ERLIN1: variants seen among roughly 807,000 people sequenced by gnomAD.
The protein encoded by ERLIN1 is erlin-1.
ERLIN1 carries 24 observed loss-of-function variants against 46.9 expected under a neutral mutation model. That is an observed-to-expected ratio of 0.51 (90% CI 0.37 to 0.72). ERLIN1 has a LOEUF of 0.72. ERLIN1 is among the 30% of genes least tolerant of loss of function. The probability of loss-of-function intolerance (pLI) is 0.00; values close to 1 mark genes in which losing one functional copy is unlikely to be tolerated. For missense variants in ERLIN1, 293 were observed against 417.9 expected (o/e 0.70, Z 2.61); for synonymous variants, 158 against 143.2 (o/e 1.10, Z -0.74).
In ERLIN1 at chr10:100,178,158, C is replaced by G; in HGVS notation, c.279G>C (p.Val93=). 6.3e-7 allele frequency: 1 copy of G among 1,580,322 alleles called. No homozygotes were observed. Among genetic ancestry groups the G allele is most frequent in the Non-Finnish European group, 8.6e-7 (1 of 1,161,556 alleles). The part of the protein sequence containing the change: ...GVMIYIDRIE[V]VNMLAPYAVF... ...CTGCATAAGGAGCCAACATATTAAC[C>G]ACTTCTATTCGGTCAATATAGATCA... The change falls in exon 4 of 11, where the codon GTG becomes GTC. Residue 93 remains valine, a synonymous_variant. Transcript: ENST00000421367.
chr10:100,175,976 G>A lies in ERLIN1; in HGVS notation c.399C>T (p.His133=). The A allele has an allele frequency of 6.2e-7, 1 of 1,613,380 alleles. No homozygotes were observed. Among genetic ancestry groups the A allele is most frequent in the Non-Finnish European group, 8.5e-7 (1 of 1,179,466 alleles). Residue 133 remains histidine (H), a synonymous_variant, in exon 5 of 11, where the codon CAC becomes CAT. Transcript: ENST00000421367. ...ATTCAATGTAAACTTCCTGAAGTGTGTGGGCACTGCAGAACTGGTTCAGCT... is the reference window on the plus strand; with the variant it reads ...ATTCAATGTAAACTTCCTGAAGTGTATGGGCACTGCAGAACTGGTTCAGCT... ...HHELNQFCSA[H]TLQEVYIELF...
At chr10:100,155,881 C>T (rs1188291208) in intron 9 of ERLIN1, among the ~76,000 whole-genome samples, 1 of 152,064 alleles carries the variant, frequency 6.6e-6, no homozygotes, top group African/African-American at 2.4e-5. Context: ...ACCTTGTCTG[C>T]CTGAAAATAA....
chr10:100,151,605 A>T lies in ERLIN1; in HGVS notation c.*526T>A, dbSNP rs1339115931. The T allele has an allele frequency of 5.4e-6, 1 of 185,214 alleles. No homozygotes were observed. The highest frequency in any genetic ancestry group is 1.2e-5 in the Non-Finnish European group (1 of 86,548). The allele number at this position is 185,214 out of a possible 1,614,324, so 11.5% of individuals were successfully genotyped here. A position where few individuals can be genotyped will look rare whatever the true frequency, so the allele number is the denominator to read the frequency against. ...TCAAGTAAAAGGTTGCTCAAGTGGA[A>T]GATCATTTCCTGGGGAACTTCAGCG... is the stretch of plus-strand genomic sequence containing the variant. On this transcript the variant is annotated 3_prime_UTR_variant, in exon 11 of 11. Transcript: ENST00000421367.
intron 7 of ERLIN1, among the ~76,000 whole-genome samples, chr10:100,164,503 T>A (rs1843528438): frequency 1.3e-5 from 2 of 152,344 alleles, no homozygotes; most frequent in East Asian, 1.9e-4. Flanking sequence ...TGGTTTGACA[T>A]GCAGAATGAA....
chr10:100,155,599 C>T (rs112920681), intron 9 of ERLIN1, among the ~76,000 whole-genome samples: 7,340 of 151,760 alleles, frequency 0.048, 592 homozygotes, highest in African/African-American at 0.17. Context: ...ACTGCAAGCT[C>T]CGCCTCCCAG....
Position 100,151,062 on chromosome 10 carries a change from TAAAC to T in ERLIN1, c.*1065_*1068del, listed in dbSNP as rs1315328941. ...TGTTCCACACTATGTGGGCTCCAGA[TAAAC>T]AATCTTAAGGAGCATCAGTGTGCTT... On this transcript the variant is annotated 3_prime_UTR_variant, in exon 11 of 11. Coordinates refer to ENST00000421367, the MANE Select transcript of ERLIN1 (RefSeq NM_006459.4). The T allele has an allele frequency of 6.6e-6, 1 of 152,558 alleles. No homozygotes were observed. Among genetic ancestry groups the T allele is most frequent in the African/African-American group, 2.4e-5 (1 of 41,416 alleles). 9.5% of individuals were successfully genotyped at this position (152,558 alleles called of 1,614,324 possible).
At chr10:100,178,571 T>C (rs575946948) in intron 3 of ERLIN1, among the ~76,000 whole-genome samples, 6 of 152,300 alleles carry the variant, frequency 3.9e-5, no homozygotes, top group Admixed American at 1.3e-4. Context: ...CCAGGAACTT[T>C]TGTTAGAAAT....
At chr10:100,185,121 T>C (rs1346874053) in intron 1 of ERLIN1, among the ~76,000 whole-genome samples, 1 of 151,932 alleles carries the variant, frequency 6.6e-6, no homozygotes, top group African/African-American at 2.4e-5. Flanking sequence ...AGCTTTTAAA[T>C]GAAAAAGTCT....
chr10:100,169,181 C>T (rs918063577), intron 6 of ERLIN1, among the ~76,000 whole-genome samples: 1 of 152,174 alleles, frequency 6.6e-6, no homozygotes, highest in African/African-American at 2.4e-5. Context: ...GCACCCCTCT[C>T]CCTCACAGGA....
At chr10:100,184,035 A>G (rs1844816247) in intron 1 of ERLIN1, among the ~76,000 whole-genome samples, 198 bp from the exon 2 acceptor site, 1 of 152,214 alleles carries the variant, frequency 6.6e-6, no homozygotes, top group Non-Finnish European at 1.5e-5. Flanking sequence ...TAAACTGCCA[A>G]TGTTACACCT....
chr10:100,153,603 T>C (rs1342553879), intron 10 of ERLIN1, among the ~76,000 whole-genome samples: 1 of 152,234 alleles, frequency 6.6e-6, no homozygotes, highest in African/African-American at 2.4e-5. Flanking sequence ...CTTCTCCAGG[T>C]GATTCATATC....
intron 6 of ERLIN1, among the ~76,000 whole-genome samples, chr10:100,168,025 T>C (rs1843742207): frequency 6.6e-6 from 1 of 152,248 alleles, no homozygotes; most frequent in Non-Finnish European, 1.5e-5. Flanking sequence ...TAGAGGCTGT[T>C]TACCAGACAC....
chr10:100,176,256 T>C (rs1844295304), intron 4 of ERLIN1, among the ~76,000 whole-genome samples, 186 bp from the exon 5 acceptor site: 1 of 152,214 alleles, frequency 6.6e-6, no homozygotes, highest in Non-Finnish European at 1.5e-5. Flanking sequence ...CAAATACCCT[T>C]GCATTTGTAA....
chr10:100,162,691 A>G (rs1261934443), intron 8 of ERLIN1, among the ~76,000 whole-genome samples: 2 of 152,232 alleles, frequency 1.3e-5, no homozygotes, highest in Non-Finnish European at 2.9e-5. Context: ...AGAAAAAAGA[A>G]ATTAAAAAAC....
intron 2 of ERLIN1, among the ~76,000 whole-genome samples, chr10:100,181,476 T>C (rs1392196963): frequency 1.3e-5 from 2 of 151,628 alleles, no homozygotes; most frequent in Non-Finnish European, 2.9e-5. Context: ...CAAAAATTCC[T>C]AAAAATAAAT....
In ERLIN1 at chr10:100,152,045, G is replaced by A. The variant is rs780578544; in HGVS notation, c.*86C>T. ...GGAACAGATGAAGTGTAAGTTCTCT[G>A]TAAATCTGAAGAGTCCGTATAATGA... On this transcript the variant is annotated 3_prime_UTR_variant, in exon 11 of 11. Transcript: ENST00000421367. 13 of 858,962 alleles carry A rather than the reference G, an allele frequency of 1.5e-5. No homozygotes were observed. Among genetic ancestry groups the A allele is most frequent in the Non-Finnish European group, 2.4e-5 (12 of 510,304 alleles). 53.2% of individuals were successfully genotyped at this position (858,962 alleles called of 1,614,324 possible). A position where few individuals can be genotyped will look rare whatever the true frequency, so the allele number is the denominator to read the frequency against.
intron 6 of ERLIN1, among the ~76,000 whole-genome samples, chr10:100,169,464 A>C (rs940170395): frequency 2.0e-5 from 3 of 152,140 alleles, no homozygotes; most frequent in Non-Finnish European, 4.4e-5. Flanking sequence ...TTGCCAGAGT[A>C]GTTTTTCAAG....
At chr10:100,181,930 T>C (rs767265850) in intron 2 of ERLIN1, among the ~76,000 whole-genome samples, 2 of 152,214 alleles carry the variant, frequency 1.3e-5, no homozygotes, top group Non-Finnish European at 2.9e-5. Context: ...CATGTAAAAC[T>C]TTTTTGTAGA....
intron 6 of ERLIN1, among the ~76,000 whole-genome samples, chr10:100,171,060 T>G (rs1020908863): frequency 6.6e-6 from 1 of 152,196 alleles, no homozygotes; most frequent in African/African-American, 2.4e-5. Context: ...GCAGATGAAT[T>G]AAAAGATTTA....
Sources: allele counts gnomAD v4.1 joint callset (sites outside exome capture counted in the v4.1 genomes callset), GRCh38; gene constraint gnomAD v4.1.1; transcripts MANE v1.5; gene names NCBI Gene and HGNC (gene_info 2026-07-23, HGNC 2026-07-21).